SEMA6B: variants seen among roughly 807,000 people sequenced by gnomAD.
The protein encoded by SEMA6B is semaphorin-6B.
Under a neutral mutation model 78.6 loss-of-function variants are expected in SEMA6B, and 47 were observed. The ratio of observed to expected loss-of-function variants is 0.60; its 90% CI spans 0.47 to 0.76. SEMA6B has a LOEUF of 0.76. SEMA6B is among the 30% of genes least tolerant of loss of function. The probability of loss-of-function intolerance (pLI) is 0.00; values close to 1 mark genes in which losing one functional copy is unlikely to be tolerated. For synonymous variants in SEMA6B, 632 were observed against 592.2 expected, an observed-to-expected ratio of 1.07 and a Z score of -0.98; for missense variants, 1,213 against 1,269.9, an observed-to-expected ratio of 0.96 and a Z score of 0.68.
chr19:4,551,606 T>C (rs928445556), intron 10 of SEMA6B, among the ~76,000 whole-genome samples: 2 of 149,800 alleles, frequency 1.3e-5, no homozygotes, highest in East Asian at 4.1e-4. Context: ...CTGAGGCGGG[T>C]GGATCACGAG....
At position 4,552,634 on chromosome 19, in the gene SEMA6B, C is replaced by T. The variant is rs766363232; in HGVS notation, c.777G>A (p.Val259=). The T allele has an allele frequency of 2.5e-6, 4 of 1,603,552 alleles. No homozygotes were observed. The highest frequency in any genetic ancestry group is 3.3e-5 in the Admixed American group (2 of 59,710). ...AMEFNYLEKV[V]VSRVARVCKN... Reference sequence around the variant, plus strand: ...TGCACACTCGGGCCACGCGGGACACCACCACCTGGGCGTGACAGTGGACGG... The same window carrying T: ...TGCACACTCGGGCCACGCGGGACACTACCACCTGGGCGTGACAGTGGACGG... Residue 259 remains valine, a synonymous_variant, in exon 10 of 17, where the codon GTG becomes GTA. Coordinates refer to ENST00000586582, the MANE Select transcript of SEMA6B (RefSeq NM_032108.4). The surrounding 1 kb of genome is among the most constrained non-coding windows in gnomAD (Gnocchi z 7.4).
Position 4,550,973 on chromosome 19 carries a change from G to C in SEMA6B, c.990-43C>G, listed in dbSNP as rs758430969. 1 of 1,609,222 alleles carries C rather than the reference G, an allele frequency of 6.2e-7. No individual in the cohort carries two copies. Among genetic ancestry groups the C allele is most frequent in the Admixed American group, 1.7e-5 (1 of 59,748 alleles). On this transcript the variant is annotated intron_variant, in intron 10 of 16. Coordinates refer to ENST00000586582, the MANE Select transcript of SEMA6B (RefSeq NM_032108.4). The surrounding 1 kb of genome is among the most constrained non-coding windows in gnomAD (Gnocchi z 6.6). ...AAGAGTTTGGTGAGCCCGGTGGGAG[G>C]CCCCATCTCGGACAAGTGCGTGCAG...
chr19:4,549,962 C>T (rs994074610), intron 12 of SEMA6B, among the ~76,000 whole-genome samples, 161 bp downstream of exon 12: 2 of 152,126 alleles, frequency 1.3e-5, no homozygotes, highest in Non-Finnish European at 2.9e-5. Flanking sequence ...TCTCTCTTTC[C>T]TAGTGTCTCT....
Position 4,544,640 on chromosome 19 carries a change from T to C in SEMA6B, c.1739-111A>G, listed in dbSNP as rs991947927. On this transcript the variant is annotated intron_variant, in intron 16 of 16. Coordinates refer to ENST00000586582, the MANE Select transcript of SEMA6B (RefSeq NM_032108.4). The surrounding 1 kb of genome is among the most constrained non-coding windows in gnomAD (Gnocchi z 5.1). ...TTTTTATTATTTTTATTTTTTTTTA[T>C]TTATTTATTTTTTGAGAAGGAGTCT... The C allele has an allele frequency of 2.7e-5, 16 of 591,508 alleles. No homozygotes were observed. In the African/African-American group the frequency reaches 2.7e-4, roughly 10 times the overall value. 36.6% of individuals were successfully genotyped at this position (591,508 alleles called of 1,614,324 possible).
chr19:4,543,805 C>T lies in SEMA6B; in HGVS notation c.2463G>A (p.Trp821Ter). Residue 821 changes from tryptophan (W) to a stop codon, truncating the protein, a stop_gained, in exon 17 of 17, where the codon TGG becomes TGA. Transcript: ENST00000586582. LOFTEE classifies it high-confidence loss of function. ...TCAGGCTGCCCGTCGGGGGCGGGCTCCAGGGCCGCGGGAGGCCATCGGCGG... is the reference window on the plus strand; with the variant it reads ...TCAGGCTGCCCGTCGGGGGCGGGCTTCAGGGCCGCGGGAGGCCATCGGCGG... ...ASAADGLPRP[W>*]SPPPTGSLRR... 1 of 1,218,798 alleles carries T rather than the reference C, an allele frequency of 8.2e-7. No homozygotes were observed. Among genetic ancestry groups the T allele is most frequent in the Non-Finnish European group, 1.0e-6 (1 of 979,768 alleles). The allele number at this position is 1,218,798 out of a possible 1,614,324, so 75.5% of individuals were successfully genotyped here.
chr19:4,553,853 T>C (rs1177175713), intron 9 of SEMA6B, among the ~76,000 whole-genome samples: 3 of 150,866 alleles, frequency 2.0e-5, no homozygotes, highest in South Asian at 2.1e-4. Context: ...AGATGATGGA[T>C]AGATGGATGG....
rs182610799 is a variant in SEMA6B at position 4,548,753 on chromosome 19, C to T, written c.1272-308G>A. The stretch of plus-strand genomic sequence containing the variant: ...CGCAATCTCAGCTCATTGCAACCTC[C>T]GCCTCCCGGGTTCAAGCAATTCTCT... On this transcript the variant is annotated intron_variant, in intron 12 of 16. Transcript: ENST00000586582. 4.5e-4 allele frequency among the ~76,000 whole-genome samples: 69 copies of T among 152,312 alleles called. No individual in the cohort carries two copies. In the East Asian group the frequency reaches 0.011, roughly 23 times the overall value.
chr19:4,556,193 GGGCAT>G (rs1224915562), intron 5 of SEMA6B, 104 bp from the exon 6 acceptor site: 3 of 785,028 alleles, frequency 3.8e-6, no homozygotes, highest in Non-Finnish European at 6.6e-6. Flanking sequence ...GGTCTGTTGT[GGGCAT>G]GGCCAAGGCA....
Position 4,550,706 on chromosome 19 carries a change from A to G in SEMA6B, c.1121+93T>C. On this transcript the variant is annotated intron_variant, in intron 11 of 16. Transcript: ENST00000586582. The surrounding 1 kb of genome is among the most constrained non-coding windows in gnomAD (Gnocchi z 6.6). ...TATAACGGGTACAGCTGAACTCAGC[A>G]TCAGCTAAATAACCACCCGGAAGCC... 6.9e-7 allele frequency: 1 copy of G among 1,441,214 alleles called. No individual in the cohort carries two copies. The highest frequency in any genetic ancestry group is 1.3e-5 in the South Asian group (1 of 79,792). 89.3% of individuals were successfully genotyped at this position (1,441,214 alleles called of 1,614,324 possible). A position where few individuals can be genotyped will look rare whatever the true frequency, so the allele number is the denominator to read the frequency against.
At chr19:4,548,812 C>A (rs1407385003) in intron 12 of SEMA6B, among the ~76,000 whole-genome samples, 1 of 152,262 alleles carries the variant, frequency 6.6e-6, no homozygotes, top group East Asian at 1.9e-4. Context: ...GGACTACAGG[C>A]ACACGCCATC....
chr19:4,557,114 G>C, intron 4 of SEMA6B, 49 bp downstream of exon 4: 1 of 1,588,764 alleles, frequency 6.3e-7, no homozygotes, highest in Admixed American at 1.7e-5. Context: ...GCGCAGTGCC[G>C]CGTCCCCCTG....
intron 14 of SEMA6B, 127 bp downstream of exon 14, chr19:4,547,900 G>C (rs924960296): frequency 2.4e-6 from 3 of 1,235,672 alleles, no homozygotes; most frequent in East Asian, 5.3e-5. Flanking sequence ...GCCTTTGCAC[G>C]GGCCATGCCC....
Position 4,544,635 on chromosome 19 carries a change from T to TTTA in SEMA6B, c.1739-107_1739-106insTAA, listed in dbSNP as rs1977119761. The TTTA allele has an allele frequency of 1.7e-6, 1 of 591,960 alleles. No individual in the cohort carries two copies. The highest frequency in any genetic ancestry group is 1.9e-5 in the African/African-American group (1 of 51,762). The allele number at this position is 591,960 out of a possible 1,614,324, so 36.7% of individuals were successfully genotyped here. A position where few individuals can be genotyped will look rare whatever the true frequency, so the allele number is the denominator to read the frequency against. ...CCTCTTTTTTATTATTTTTATTTTTTTTTATTTATTTATTTTTTGAGAAGG... is the reference window on the plus strand; with the variant it reads ...CCTCTTTTTTATTATTTTTATTTTTTTTATTTATTTATTTATTTTTTGAGAAGG... On this transcript the variant is annotated intron_variant, in intron 16 of 16. Transcript: ENST00000586582. This position sits in a 1 kb window ranked among gnomAD's most constrained non-coding sequence, Gnocchi z 5.1.
chr19:4,543,015 C>T lies in SEMA6B; in HGVS notation c.*586G>A, dbSNP rs750206933. On this transcript the variant is annotated 3_prime_UTR_variant, in exon 17 of 17. Transcript: ENST00000586582. ...CGCTGGGGCCACCACGATCGTCGCT[C>T]GTGGACACACACCCTGCACGCGTGG... The T allele has an allele frequency of 8.7e-6, 6 of 691,416 alleles. No individual in the cohort carries two copies. The highest frequency in any genetic ancestry group is 3.0e-5 in the South Asian group (2 of 66,968). 42.8% of individuals were successfully genotyped at this position (691,416 alleles called of 1,614,324 possible).
At chr19:4,546,826 G>T (rs919058846) in intron 14 of SEMA6B, among the ~76,000 whole-genome samples, 1 of 151,908 alleles carries the variant, frequency 6.6e-6, no homozygotes, top group Admixed American at 6.6e-5. Context: ...GGTTTCACCA[G>T]GTTGGTCTTG....
intron 12 of SEMA6B, among the ~76,000 whole-genome samples, chr19:4,548,721 G>C (rs1233603989): frequency 6.6e-6 from 1 of 152,262 alleles, no homozygotes; most frequent in Non-Finnish European, 1.5e-5. Context: ...AGGCTGGAGT[G>C]CAGTGGCGCA....
intron 14 of SEMA6B, among the ~76,000 whole-genome samples, 193 bp downstream of exon 14, chr19:4,547,834 G>A (rs1391000655): frequency 6.6e-6 from 1 of 151,456 alleles, no homozygotes; most frequent in African/African-American, 2.4e-5. Flanking sequence ...CTGTGCTCCA[G>A]CCACACCGGC....
In SEMA6B at chr19:4,555,484, G is replaced by A. The variant is rs767962075; in HGVS notation, c.552C>T (p.Ala184=). The change falls in exon 7 of 17, where the codon GCC becomes GCT. Residue 184 remains alanine (A), a synonymous_variant. Coordinates refer to ENST00000586582, the MANE Select transcript of SEMA6B (RefSeq NM_032108.4). The surrounding 1 kb of genome is among the most constrained non-coding windows in gnomAD (Gnocchi z 6.1). ...TGGGGGGGTACTTACCAGAGAAGAG[G>A]GCAACATTGGCGTGCTTGGGGTCGT... ...CPYDPKHANV[A]LFSDGMLFTA... The A allele has an allele frequency of 4.3e-6, 7 of 1,612,536 alleles. No individual in the cohort carries two copies. The highest frequency in any genetic ancestry group is 4.5e-5 in the East Asian group (2 of 44,864).
In SEMA6B at chr19:4,550,926, G is replaced by A. The variant is rs1977314729; in HGVS notation, c.994C>T (p.Pro332Ser). The A allele has an allele frequency of 6.2e-7, 1 of 1,613,664 alleles. No individual in the cohort carries two copies. Residue 332 changes from proline (P) to serine (S), a missense_variant, in exon 11 of 17, where the codon CCT (proline) becomes TCT (serine). Transcript: ENST00000586582. This position sits in a 1 kb window ranked among gnomAD's most constrained non-coding sequence, Gnocchi z 6.6. ...AVFSTPSNSIPGSAVCAFDLT... is the reference protein window; with the variant it reads ...AVFSTPSNSISGSAVCAFDLT... Reference sequence around the variant, plus strand: ...TCAAAGGCGCAGACAGCCGAGCCAGGGATGCTGAGGGGTTGGGATGAAAGA... The same window carrying A: ...TCAAAGGCGCAGACAGCCGAGCCAGAGATGCTGAGGGGTTGGGATGAAAGA...
Sources: allele counts gnomAD v4.1 joint callset (sites outside exome capture counted in the v4.1 genomes callset), GRCh38; gene constraint gnomAD v4.1.1; non-coding constraint Gnocchi (gnomAD v3.1); transcripts MANE v1.5; gene names NCBI Gene and HGNC (gene_info 2026-07-23, HGNC 2026-07-21).